DLGAP2: variants seen among roughly 807,000 people sequenced by gnomAD.
DLGAP2 encodes the protein DLG associated protein 2.
DLGAP2 carries 26 observed loss-of-function variants against 100.3 expected under a neutral mutation model. That is an observed-to-expected ratio of 0.26 (90% CI 0.19 to 0.36). The LOEUF is 0.36. Among genes scored for constraint, DLGAP2 ranks in the 10% least tolerant of loss-of-function variants. The pLI is 1.00. For missense variants in DLGAP2, 1,858 were observed against 1,453.2 expected, an observed-to-expected ratio of 1.28 and a Z score of -4.53; for synonymous variants, 886 against 630.1, an observed-to-expected ratio of 1.41 and a Z score of -6.08.
intron 2 of DLGAP2, among the ~76,000 whole-genome samples, chr8:1,257,734 A>C (rs1489283200): frequency 6.6e-6 from 1 of 151,934 alleles, no homozygotes; most frequent in Non-Finnish European, 1.5e-5. Context: ...GGGCCCGTGC[A>C]GGCCAGCGCT....
chr8:962,637 T>TTTTCCCTCTCC (rs1426650463), intron 2 of DLGAP2, among the ~76,000 whole-genome samples: 1 of 151,150 alleles, frequency 6.6e-6, no homozygotes, highest in Non-Finnish European at 1.5e-5. Flanking sequence ...ACCAACCCTG[T>TTTTCCCTCTCC]GACAAAATGG....
rs115458046 is a variant in DLGAP2 at position 838,800 on chromosome 8, A to C, written c.19-69112A>C. Among the ~76,000 whole-genome samples, 1,332 of 152,378 alleles carry C rather than the reference A, an allele frequency of 8.7e-3. 26 individuals are homozygous for C. The highest frequency in any genetic ancestry group is 0.03 in the African/African-American group (1,249 of 41,588). The stretch of plus-strand genomic sequence containing the variant: ...TTGCTTGCACATCATGGCTGACGGC[A>C]GAAAGAAGTAAAGGCAATTAATTAA... On this transcript the variant is annotated intron_variant, in intron 1 of 14. Transcript: ENST00000637795.
intron 1 of DLGAP2, among the ~76,000 whole-genome samples, chr8:752,428 A>G (rs1211536564): frequency 6.6e-6 from 1 of 152,208 alleles, no homozygotes; most frequent in African/African-American, 2.4e-5. Context: ...CCGGAGAGCC[A>G]CAGTCAGGCA....
chr8:1,256,236 C>G (rs910813870), intron 2 of DLGAP2, among the ~76,000 whole-genome samples: 1 of 120,396 alleles, frequency 8.3e-6, no homozygotes, highest in African/African-American at 3.1e-5. Flanking sequence ...CCTCTCCTGC[C>G]CGGGTGCTGT....
intron 2 of DLGAP2, among the ~76,000 whole-genome samples, chr8:1,174,731 T>C (rs1797217217): frequency 6.6e-6 from 1 of 152,062 alleles, no homozygotes. Context: ...ATCATTACCA[T>C]GACCAAAATC....
intron 2 of DLGAP2, among the ~76,000 whole-genome samples, chr8:955,979 C>G (rs1799588408): frequency 6.6e-6 from 1 of 152,102 alleles, no homozygotes; most frequent in African/African-American, 2.4e-5. Context: ...GGCCCTGTGA[C>G]TTTGGGAGGC....
intron 4 of DLGAP2, among the ~76,000 whole-genome samples, chr8:1,544,345 T>C (rs1360633534): frequency 6.6e-6 from 1 of 152,252 alleles, no homozygotes; most frequent in Non-Finnish European, 1.5e-5. Flanking sequence ...TTTGCTCCTG[T>C]AACCTGCTCC....
At chr8:1,219,131 G>C (rs899094208) in intron 2 of DLGAP2, among the ~76,000 whole-genome samples, 2 of 152,154 alleles carry the variant, frequency 1.3e-5, no homozygotes, top group African/African-American at 4.8e-5. Flanking sequence ...TTGCCTGACT[G>C]CTCTGGCAAG....
intron 3 of DLGAP2, among the ~76,000 whole-genome samples, chr8:1,444,537 GAGAC>G (rs1797927640): frequency 6.6e-6 from 1 of 152,046 alleles, no homozygotes. Flanking sequence ...AAGAGAGAAA[GAGAC>G]AGTGTGCCTG....
intron 2 of DLGAP2, among the ~76,000 whole-genome samples, chr8:1,204,760 G>C (rs1476713252): frequency 6.6e-6 from 1 of 152,150 alleles, no homozygotes; most frequent in Admixed American, 6.5e-5. Flanking sequence ...AAGCAAGGAA[G>C]AGGGAAGAAA....
intron 2 of DLGAP2, among the ~76,000 whole-genome samples, chr8:1,147,721 C>T (rs1414867754): frequency 6.6e-6 from 1 of 152,008 alleles, no homozygotes; most frequent in Admixed American, 6.6e-5. Flanking sequence ...CAGGGTCTTG[C>T]TGTGTCTCCC....
intron 4 of DLGAP2, among the ~76,000 whole-genome samples, chr8:1,501,941 T>G (rs1034789265): frequency 6.6e-5 from 10 of 152,198 alleles, no homozygotes; most frequent in African/African-American, 2.4e-4. Flanking sequence ...CGTGGAAATT[T>G]CATTTCTGAG....
At chr8:952,421 G>A (rs1799503436) in intron 2 of DLGAP2, among the ~76,000 whole-genome samples, 2 of 152,190 alleles carry the variant, frequency 1.3e-5, no homozygotes, top group Admixed American at 1.3e-4. Context: ...AGGATCATTT[G>A]AGGTCAGGAG....
At chr8:1,243,034 G>A (rs542812949) in intron 2 of DLGAP2, among the ~76,000 whole-genome samples, 2 of 152,266 alleles carry the variant, frequency 1.3e-5, no homozygotes, top group African/African-American at 4.8e-5. Context: ...CCTTCCCTAG[G>A]CAAACTTGCC....
intron 2 of DLGAP2, among the ~76,000 whole-genome samples, chr8:922,878 C>A (rs1798743998): frequency 6.6e-6 from 1 of 152,042 alleles, no homozygotes; most frequent in South Asian, 2.1e-4. Context: ...AGCACTGATG[C>A]ACAAATAATG....
chr8:1,255,958 G>A (rs1429891464), intron 2 of DLGAP2, among the ~76,000 whole-genome samples: 7 of 128,490 alleles, frequency 5.4e-5, no homozygotes, highest in Non-Finnish European at 1.1e-4. Context: ...TGCTGTGTGT[G>A]TGCCCTCTCA....
At chr8:1,584,119 C>T (rs978148765) in intron 6 of DLGAP2, among the ~76,000 whole-genome samples, 2 of 152,100 alleles carry the variant, frequency 1.3e-5, no homozygotes, top group East Asian at 1.9e-4. Context: ...ATTGCCATTG[C>T]GCCTTCACTG....
intron 3 of DLGAP2, among the ~76,000 whole-genome samples, chr8:1,317,332 G>A (rs1229599142): frequency 4.8e-5 from 6 of 125,346 alleles, no homozygotes; most frequent in South Asian, 2.7e-4. Context: ...CGAGTGCAGC[G>A]TCTCTCCAAC....
intron 2 of DLGAP2, among the ~76,000 whole-genome samples, chr8:1,204,095 C>T (rs1014489101): frequency 3.9e-5 from 6 of 152,202 alleles, no homozygotes; most frequent in Admixed American, 2.6e-4. Flanking sequence ...TGGAGCGGGA[C>T]CTGAATTCTG....
Sources: allele counts gnomAD v4.1 joint callset (sites outside exome capture counted in the v4.1 genomes callset), GRCh38; gene constraint gnomAD v4.1.1; transcripts MANE v1.5; gene names NCBI Gene and HGNC (gene_info 2026-07-23, HGNC 2026-07-21).